TSBP1: variants seen among roughly 807,000 people sequenced by gnomAD.
The protein encoded by TSBP1 is testis expressed basic protein 1.
TSBP1 carries 56 observed loss-of-function variants against 68.8 expected under a neutral mutation model. The ratio of observed to expected loss-of-function variants is 0.81; its 90% CI spans 0.66 to 1.02. TSBP1 has a LOEUF of 1.02. Among genes scored for constraint, TSBP1 ranks in the 50% least tolerant of loss-of-function variants. The pLI is 0.00. For synonymous variants in TSBP1, 171 were observed against 208.7 expected, an observed-to-expected ratio of 0.82 and a Z score of 1.56; for missense variants, 502 against 641.2, an observed-to-expected ratio of 0.78 and a Z score of 2.34.
rs369805612 is a variant in TSBP1 at position 32,341,020 on chromosome 6, T to G, written c.350-1382A>C. On this transcript the variant is annotated intron_variant, in intron 9 of 22. Transcript: ENST00000612031. ...CATGTTGGCCAGGCTGGTCTCAAAC[T>G]CCTGGCCTTGAGTGATCCCCTCACC... Among the ~76,000 whole-genome samples, 175 of 152,286 alleles carry G rather than the reference T, an allele frequency of 1.1e-3. 2 individuals are homozygous for G. The highest frequency in any genetic ancestry group is 4.3e-3 in the Admixed American group (66 of 15,300).
Position 32,335,994 on chromosome 6 carries a change from A to C in TSBP1, c.431-62T>G. 1 of 1,387,086 alleles carries C rather than the reference A, an allele frequency of 7.2e-7. No homozygotes were observed. The highest frequency in any genetic ancestry group is 1.0e-6 in the Non-Finnish European group (1 of 982,938). 85.9% of individuals were successfully genotyped at this position (1,387,086 alleles called of 1,614,324 possible). A position where few individuals can be genotyped will look rare whatever the true frequency, so the allele number is the denominator to read the frequency against. On this transcript the variant is annotated intron_variant, in intron 12 of 22. Transcript: ENST00000612031. The surrounding 1 kb of genome is among the most constrained non-coding windows in gnomAD (Gnocchi z 5.5). Reference sequence around the variant, plus strand: ...AGTATGCTTCACCACTGTGAAGGAAATTTCCATTTCCCAACACTCGCTCTA... The same window carrying C: ...AGTATGCTTCACCACTGTGAAGGAACTTTCCATTTCCCAACACTCGCTCTA...
chr6:32,324,084 T>C (rs965249003), intron 16 of TSBP1, among the ~76,000 whole-genome samples: 2 of 152,174 alleles, frequency 1.3e-5, no homozygotes, highest in Non-Finnish European at 1.5e-5. Flanking sequence ...AATAAAATAG[T>C]AAGTTTGATT....
At chr6:32,330,086 GA>G (rs1768778104) in intron 16 of TSBP1, among the ~76,000 whole-genome samples, 1 of 152,176 alleles carries the variant, frequency 6.6e-6, no homozygotes, top group Non-Finnish European at 1.5e-5. Flanking sequence ...TAGTGAGCCG[GA>G]TAGGACATGA....
chr6:32,367,052 C>CATGT (rs146374908), intron 4 of TSBP1, among the ~76,000 whole-genome samples: 1 of 148,344 alleles, frequency 6.7e-6, no homozygotes, highest in Non-Finnish European at 1.5e-5. Flanking sequence ...ATGCTTGTAG[C>CATGT]GTGTGTGTGT....
chr6:32,295,362 A>C (rs145168706), intron 22 of TSBP1, among the ~76,000 whole-genome samples: 12,106 of 151,122 alleles, frequency 0.08, 825 homozygotes, highest in East Asian at 0.17. Context: ...AAAAAAAAAA[A>C]AAAAAAAAGA....
intron 8 of TSBP1, among the ~76,000 whole-genome samples, chr6:32,353,656 T>C (rs1360341774): frequency 1.3e-5 from 2 of 151,916 alleles, no homozygotes; most frequent in East Asian, 1.9e-4. Context: ...ATAAATGTTA[T>C]AAAGTTTTAG....
At chr6:32,323,725 CTTTGG>C in intron 16 of TSBP1, 111 bp from the exon 18 acceptor site, 4 of 871,032 alleles carry the variant, frequency 4.6e-6, no homozygotes, top group Non-Finnish European at 7.3e-6. Flanking sequence ...AAAACTTTCC[CTTTGG>C]TATTCATTTA....
chr6:32,328,027 A>G (rs1402468130), intron 16 of TSBP1, among the ~76,000 whole-genome samples: 1 of 151,584 alleles, frequency 6.6e-6, no homozygotes, highest in Non-Finnish European at 1.5e-5. Context: ...GATGGTCTCC[A>G]TCTCCTGACT....
intron 22 of TSBP1, among the ~76,000 whole-genome samples, chr6:32,298,307 C>A (rs1293088403): frequency 6.6e-6 from 1 of 152,222 alleles, no homozygotes; most frequent in East Asian, 1.9e-4. Context: ...CGGCTGGGTG[C>A]AGTGGCTCAC....
At chr6:32,349,757 A>G in exon 9 of TSBP1, 4 of 1,603,606 alleles carry the variant, frequency 2.5e-6, no homozygotes, top group Non-Finnish European at 3.4e-6. Context: ...TGATCGAGAC[A>G]GTGCTAAAAT....
intron 6 of TSBP1, among the ~76,000 whole-genome samples, chr6:32,360,134 C>T (rs572627387): frequency 1.2e-4 from 18 of 152,180 alleles, no homozygotes; most frequent in Admixed American, 9.8e-4. Flanking sequence ...GTCTACATAA[C>T]GTATTTGTCA....
intron 16 of TSBP1, chr6:32,323,993 A>C (rs1190791197): frequency 8.5e-6 from 2 of 234,160 alleles, no homozygotes; most frequent in Non-Finnish European, 1.7e-5. Flanking sequence ...CATTGCTCAA[A>C]TTGTCTTTCA....
At chr6:32,345,720 C>G (rs943896189) in intron 9 of TSBP1, among the ~76,000 whole-genome samples, 1 of 152,184 alleles carries the variant, frequency 6.6e-6, no homozygotes, top group African/African-American at 2.4e-5. Context: ...ATAGTCTCCT[C>G]TATCTTGGGC....
chr6:32,324,369 G>A (rs1352513888), intron 16 of TSBP1: 2 of 567,844 alleles, frequency 3.5e-6, no homozygotes, highest in Non-Finnish European at 6.5e-6. Flanking sequence ...GTAGTCTCTT[G>A]TTGATGGGCT....
At chr6:32,341,312 T>A (rs1274965908) in intron 9 of TSBP1, among the ~76,000 whole-genome samples, 1 of 152,182 alleles carries the variant, frequency 6.6e-6, no homozygotes, top group East Asian at 1.9e-4. Context: ...GCATCAGAGT[T>A]AGTTCTTTTA....
chr6:32,308,381 G>A (rs1161496289), intron 19 of TSBP1, among the ~76,000 whole-genome samples: 1 of 150,874 alleles, frequency 6.6e-6, no homozygotes, highest in African/African-American at 2.4e-5. Context: ...GGCGGATCAC[G>A]AGGTCAGGAG....
At position 32,343,989 on chromosome 6, in the gene TSBP1, A is replaced by G. The variant is rs1025225361; in HGVS notation, c.350-4351T>C. The stretch of plus-strand genomic sequence containing the variant: ...TGAACCCTCACTATATTCAGTGGAG[A>G]AAGTCTGGGCATTAGTCTTATTTGT... On this transcript the variant is annotated intron_variant, in intron 9 of 22. Transcript: ENST00000612031. The surrounding 1 kb of genome is among the most constrained non-coding windows in gnomAD (Gnocchi z 4.3). Among the ~76,000 whole-genome samples, 2 of 150,696 alleles carry G rather than the reference A, an allele frequency of 1.3e-5. No individual in the cohort carries two copies. The highest frequency in any genetic ancestry group is 1.3e-4 in the Admixed American group (2 of 15,182).
chr6:32,326,016 C>T, intron 16 of TSBP1: 1 of 1,532,936 alleles, frequency 6.5e-7, no homozygotes, highest in Non-Finnish European at 8.9e-7. Flanking sequence ...GCAATTACAA[C>T]AATCAGTCTT....
At chr6:32,370,777 AG>A (rs1220266581) in intron 1 of TSBP1, among the ~76,000 whole-genome samples, 5 of 151,978 alleles carry the variant, frequency 3.3e-5, no homozygotes, top group Non-Finnish European at 7.4e-5. Flanking sequence ...TTGCAGTCAT[AG>A]GAGAGAAAAA....
Sources: gnomAD v4.1 joint callset for allele counts (sites outside exome capture counted in the v4.1 genomes callset) on GRCh38, gnomAD v4.1.1 for gene constraint, Gnocchi (gnomAD v3.1) non-coding constraint, MANE v1.5 for transcripts, NCBI Gene and HGNC (gene_info 2026-07-23, HGNC 2026-07-21) for gene names.